The following DCLK1 variants were observed in gnomAD, a reference collection of about 807,000 sequenced individuals.
The protein encoded by DCLK1 is serine/threonine-protein kinase DCLK1.
In DCLK1, 16 loss-of-function variants were observed where a neutral mutation model predicts 86.2. The observed-to-expected ratio is 0.19, with a 90% confidence interval of 0.13 to 0.28. The LOEUF is 0.28. DCLK1 is among the 10% of genes least tolerant of loss of function. DCLK1 has a pLI of 1.00. For synonymous variants in DCLK1, 369 were observed against 370.5 expected (o/e 1.00, Z 0.05); for missense variants, 590 against 940.2 (o/e 0.63, Z 4.87).
chr13:35,769,831 T>C lies in DCLK1; in HGVS notation c.*4704A>G, dbSNP rs1401693323. On this transcript the variant is annotated 3_prime_UTR_variant, in exon 17 of 17. Coordinates refer to ENST00000360631, the MANE Select transcript of DCLK1 (RefSeq NM_001330071.2). ...ATGCTGAAGAAATTTACAGGTATGA[T>C]TTAATTTTAGAGAGTGTTCTTTCTT... 6.6e-6 allele frequency: 1 copy of C among 152,188 alleles called. No homozygotes were observed. Among genetic ancestry groups the C allele is most frequent in the Non-Finnish European group, 1.5e-5 (1 of 68,026 alleles). The allele number at this position is 152,188 out of a possible 1,614,324, so 9.4% of individuals were successfully genotyped here.
At chr13:35,836,464 T>C (rs1869388997) in intron 7 of DCLK1, among the ~76,000 whole-genome samples, 1 of 152,198 alleles carries the variant, frequency 6.6e-6, no homozygotes, top group Admixed American at 6.5e-5. Flanking sequence ...TCAATAGTGT[T>C]TACTGAATAC....
chr13:35,986,266 C>T (rs1443514543), intron 3 of DCLK1, among the ~76,000 whole-genome samples: 1 of 121,076 alleles, frequency 8.3e-6, no homozygotes, highest in Non-Finnish European at 1.6e-5. Context: ...CATGCCATTG[C>T]ACTCCAGTCT....
chr13:35,854,550 G>T lies in DCLK1; in HGVS notation c.984C>A (p.Gly328=), dbSNP rs1870910767. The stretch of plus-strand genomic sequence containing the variant: ...TGGTGGGTGATGGGCTTGGCGACTT[G>T]CCTGAGCGCGGAGTAGAGAGCTGAC... ...PGSQLSTPRS[G]KSPSPSPTSP... is the part of the protein sequence containing the mutation. Residue 328 remains glycine, a synonymous_variant, in exon 6 of 17, where the codon GGC becomes GGA. Transcript: ENST00000360631. 6.2e-7 allele frequency: 1 copy of T among 1,606,268 alleles called. No individual in the cohort carries two copies. The highest frequency in any genetic ancestry group is 2.3e-5 in the East Asian group (1 of 44,382).
At chr13:36,034,242 G>A (rs1417154416) in intron 3 of DCLK1, among the ~76,000 whole-genome samples, 1 of 152,098 alleles carries the variant, frequency 6.6e-6, no homozygotes, top group Non-Finnish European at 1.5e-5. Context: ...CGGAATTAAG[G>A]ATAATAGAAA....
intron 3 of DCLK1, among the ~76,000 whole-genome samples, chr13:36,015,157 G>A (rs1320627546): frequency 1.3e-5 from 2 of 152,134 alleles, no homozygotes; most frequent in Non-Finnish European, 2.9e-5. Flanking sequence ...ATACATTAAT[G>A]AGGATTAGTT....
At chr13:35,804,556 C>T (rs2086988951) in intron 15 of DCLK1, among the ~76,000 whole-genome samples, 1 of 152,002 alleles carries the variant, frequency 6.6e-6, no homozygotes, top group African/African-American at 2.4e-5. Context: ...CCTCAGCCTC[C>T]TGAGTAGCTG....
At chr13:35,984,070 C>T (rs1231098695) in intron 3 of DCLK1, among the ~76,000 whole-genome samples, 1 of 152,240 alleles carries the variant, frequency 6.6e-6, no homozygotes. Context: ...TATGTGAAAA[C>T]TGCTGACACA....
At chr13:36,125,688 C>A (rs1438368174) in intron 2 of DCLK1, 74 bp downstream of exon 2, 5 of 1,528,032 alleles carry the variant, frequency 3.3e-6, no homozygotes, top group Non-Finnish European at 4.4e-6. Flanking sequence ...AGGGCAAATG[C>A]GAATCGGCTA....
chr13:35,868,741 C>G (rs909260458), intron 5 of DCLK1, among the ~76,000 whole-genome samples: 1 of 152,014 alleles, frequency 6.6e-6, no homozygotes, highest in Non-Finnish European at 1.5e-5. Flanking sequence ...TGACTTTGTT[C>G]TCCTTTATTG....
chr13:35,979,808 C>T (rs564982062), intron 3 of DCLK1, among the ~76,000 whole-genome samples: 5 of 152,144 alleles, frequency 3.3e-5, no homozygotes, highest in Admixed American at 1.3e-4. Flanking sequence ...CACATGCAGG[C>T]GGCCTGGTTC....
At chr13:36,046,353 C>A (rs1882915172) in intron 3 of DCLK1, among the ~76,000 whole-genome samples, 1 of 152,196 alleles carries the variant, frequency 6.6e-6, no homozygotes, top group Non-Finnish European at 1.5e-5. Flanking sequence ...TAAACAGCGC[C>A]TGAACAGTAA....
At chr13:35,895,874 A>G (rs571754281) in intron 4 of DCLK1, among the ~76,000 whole-genome samples, 12 of 152,240 alleles carry the variant, frequency 7.9e-5, no homozygotes, top group Non-Finnish European at 1.5e-4. Flanking sequence ...AAACTATTAC[A>G]TCTACTACCA....
chr13:35,815,071 G>T (rs2087238583), intron 11 of DCLK1, among the ~76,000 whole-genome samples: 1 of 152,164 alleles, frequency 6.6e-6, no homozygotes, highest in African/African-American at 2.4e-5. Context: ...TATAACGAAA[G>T]GTCAGGTATG....
chr13:36,043,595 CA>C (rs1882771497), intron 3 of DCLK1, among the ~76,000 whole-genome samples: 3 of 151,992 alleles, frequency 2.0e-5, no homozygotes, highest in Admixed American at 2.0e-4. Context: ...ATATCATTCG[CA>C]AAATTATTTC....
intron 11 of DCLK1, among the ~76,000 whole-genome samples, chr13:35,815,634 G>T (rs774088696): frequency 6.6e-6 from 1 of 152,104 alleles, no homozygotes; most frequent in Non-Finnish European, 1.5e-5. Flanking sequence ...CCTTTAAAAA[G>T]ACATTGATTT....
intron 4 of DCLK1, among the ~76,000 whole-genome samples, chr13:35,911,606 A>G (rs969507621): frequency 2.0e-5 from 3 of 152,134 alleles, no homozygotes; most frequent in Non-Finnish European, 4.4e-5. Context: ...GACCTCTAGG[A>G]CTAGTATTGC....
At chr13:35,788,123 G>T in intron 16 of DCLK1, 1 of 1,227,660 alleles carries the variant, frequency 8.1e-7, no homozygotes, top group Non-Finnish European at 1.2e-6. Flanking sequence ...CAAATCAAAA[G>T]CATGTTTATC....
chr13:36,018,043 A>G (rs113485668), intron 3 of DCLK1, among the ~76,000 whole-genome samples: 5 of 152,258 alleles, frequency 3.3e-5, no homozygotes, highest in African/African-American at 1.2e-4. Flanking sequence ...TATTTCCACT[A>G]TGGCCAGGAA....
chr13:35,861,863 A>G (rs908617289), intron 5 of DCLK1, among the ~76,000 whole-genome samples: 1 of 140,978 alleles, frequency 7.1e-6, no homozygotes, highest in African/African-American at 2.6e-5. Context: ...CGTCTCTACT[A>G]AAAAAAAAAA....
Sources: gnomAD v4.1 joint callset for allele counts (sites outside exome capture counted in the v4.1 genomes callset) on GRCh38, gnomAD v4.1.1 for gene constraint, MANE v1.5 for transcripts, NCBI Gene and HGNC (gene_info 2026-07-23, HGNC 2026-07-21) for gene names.